PACRG: variants seen among roughly 807,000 people sequenced by gnomAD.
PACRG encodes the protein parkin coregulated.
In PACRG, 29 loss-of-function variants were observed where a neutral mutation model predicts 29.7. That is an observed-to-expected ratio of 0.98 (90% CI 0.73 to 1.33). PACRG has a LOEUF of 1.33. Among genes scored for constraint, PACRG ranks in the 40% most tolerant of loss-of-function variants. The pLI, the probability that PACRG is intolerant of heterozygous loss-of-function variation, is 0.00. For missense variants in PACRG, 279 were observed against 316.2 expected, an observed-to-expected ratio of 0.88 and a Z score of 0.89; for synonymous variants, 116 against 118.7, an observed-to-expected ratio of 0.98 and a Z score of 0.15.
chr6:163,009,160 A>T (rs1805394909), intron 2 of PACRG, among the ~76,000 whole-genome samples: 1 of 152,194 alleles, frequency 6.6e-6, no homozygotes, highest in Non-Finnish European at 1.5e-5. Context: ...ACAACAACAA[A>T]ATCCAGATAA....
At chr6:163,145,435 T>C (rs1205662) in intron 4 of PACRG, among the ~76,000 whole-genome samples, 113,716 of 152,134 alleles carry the variant, frequency 0.75, 43,614 homozygotes, top group African/African-American at 0.94. Flanking sequence ...GGTCATATTC[T>C]GCCTAGGTCC....
At chr6:162,981,305 A>ATATATATATATTTTTTT (rs925663285) in intron 2 of PACRG, among the ~76,000 whole-genome samples, 18 of 149,160 alleles carry the variant, frequency 1.2e-4, no homozygotes, top group African/African-American at 4.5e-4. Context: ...ATATATATAT[A>ATATATATATATTTTTTT]TTTACAATGG....
At chr6:162,896,544 T>C (rs55762763) in intron 2 of PACRG, among the ~76,000 whole-genome samples, 35,718 of 152,082 alleles carry the variant, frequency 0.23, 4,362 homozygotes, top group Middle Eastern at 0.28. Flanking sequence ...ATCTTGGATG[T>C]GTAAGAATTA....
intron 2 of PACRG, among the ~76,000 whole-genome samples, chr6:162,964,408 T>C (rs62429277): frequency 0.15 from 23,398 of 152,176 alleles, 3,150 homozygotes; most frequent in African/African-American, 0.36. Context: ...AAAGGCCTTC[T>C]TTTATCTTCA....
intron 2 of PACRG, among the ~76,000 whole-genome samples, chr6:163,050,698 A>G (rs1229398076): frequency 6.6e-6 from 1 of 152,218 alleles, no homozygotes; most frequent in African/African-American, 2.4e-5. Context: ...TTCTTTGAGC[A>G]TGTTGAACAT....
intron 1 of PACRG, among the ~76,000 whole-genome samples, chr6:162,734,378 G>A (rs1780001200): frequency 6.6e-6 from 1 of 151,938 alleles, no homozygotes; most frequent in African/African-American, 2.4e-5. Context: ...GATTTTGGAA[G>A]GTATAAATTT....
At chr6:163,176,381 G>C (rs1429272364) in intron 4 of PACRG, among the ~76,000 whole-genome samples, 1 of 152,186 alleles carries the variant, frequency 6.6e-6, no homozygotes. Flanking sequence ...TATTAATGGA[G>C]AACAAAGGAA....
intron 3 of PACRG, among the ~76,000 whole-genome samples, chr6:163,072,212 C>T (rs962950301): frequency 6.6e-6 from 1 of 151,814 alleles, no homozygotes; most frequent in African/African-American, 2.4e-5. Flanking sequence ...TACTAGCAAA[C>T]TGAATTCAAC....
rs141195459 is a variant in PACRG at position 163,062,224 on chromosome 6, C to G, written c.366C>G (p.Pro122=). 2 of 1,614,016 alleles carry G rather than the reference C, an allele frequency of 1.2e-6. No homozygotes were observed. The highest frequency in any genetic ancestry group is 2.7e-5 in the African/African-American group (2 of 74,916). ...ATGGGCTTTGTGAAATGACATTTCCCTATGAGTTTTTTGCTCGGCAAGGAA... is the reference window on the plus strand; with the variant it reads ...ATGGGCTTTGTGAAATGACATTTCCGTATGAGTTTTTTGCTCGGCAAGGAA... The part of the protein sequence containing the change: ...FFDGLCEMTF[P]YEFFARQGIH... The change falls in exon 3 of 5, where the codon CCC becomes CCG. Residue 122 remains proline (P), a synonymous_variant. Transcript: ENST00000366888.
chr6:163,183,547 G>C (rs1241299095), intron 4 of PACRG: 1 of 151,906 alleles, frequency 6.6e-6, no homozygotes, highest in Non-Finnish European at 1.5e-5. Flanking sequence ...CAGATTTAGA[G>C]GCCAAGCTGC....
At chr6:163,217,492 A>G (rs1430135966) in intron 4 of PACRG, among the ~76,000 whole-genome samples, 1 of 152,120 alleles carries the variant, frequency 6.6e-6, no homozygotes, top group Non-Finnish European at 1.5e-5. Flanking sequence ...AATAGGCAAC[A>G]ATCTTTCTAC....
At chr6:162,931,652 A>G (rs766407522) in intron 2 of PACRG, among the ~76,000 whole-genome samples, 41 of 152,026 alleles carry the variant, frequency 2.7e-4, no homozygotes, top group Non-Finnish European at 4.6e-4. Flanking sequence ...GCAAATAAAC[A>G]TATGCCAAAT....
chr6:163,287,277 T>C (rs35428180), intron 4 of PACRG, among the ~76,000 whole-genome samples: 30,946 of 152,152 alleles, frequency 0.2, 3,318 homozygotes, highest in African/African-American at 0.24. Context: ...AGCAAGCTCT[T>C]GCCTTTCACT....
chr6:162,757,705 T>A (rs550990340), intron 1 of PACRG, among the ~76,000 whole-genome samples: 11 of 152,080 alleles, frequency 7.2e-5, no homozygotes, highest in African/African-American at 2.7e-4. Context: ...AGACTCTGTC[T>A]AAAAAATAAA....
chr6:163,283,181 G>A (rs1247571089), intron 4 of PACRG, among the ~76,000 whole-genome samples: 2 of 152,206 alleles, frequency 1.3e-5, no homozygotes, highest in African/African-American at 4.8e-5. Context: ...ATAAATGTGG[G>A]TGATGTGAAT....
chr6:162,859,943 T>C (rs1292271828), intron 2 of PACRG, among the ~76,000 whole-genome samples: 2 of 152,106 alleles, frequency 1.3e-5, no homozygotes, highest in Non-Finnish European at 2.9e-5. Context: ...CCTTCTGTTA[T>C]AGTAGTCTCC....
At chr6:163,311,988 C>A (rs6455894) in intron 4 of PACRG, among the ~76,000 whole-genome samples, 35,308 of 152,080 alleles carry the variant, frequency 0.23, 4,619 homozygotes, top group African/African-American at 0.35. Context: ...CCTTCTGACT[C>A]ATATGCCGAC....
At chr6:162,769,773 A>G (rs563268526) in intron 1 of PACRG, among the ~76,000 whole-genome samples, 63 of 151,968 alleles carry the variant, frequency 4.1e-4, no homozygotes, top group Non-Finnish European at 7.5e-4. Context: ...AGCAAAAAAA[A>G]AAAAGAAAAG....
chr6:162,781,214 G>A (rs1292931819), intron 1 of PACRG, among the ~76,000 whole-genome samples: 2 of 152,054 alleles, frequency 1.3e-5, no homozygotes, highest in Non-Finnish European at 2.9e-5. Flanking sequence ...CAGGCTAAAA[G>A]ACTGTGGAAG....
Sources: allele counts gnomAD v4.1 joint callset (sites outside exome capture counted in the v4.1 genomes callset), GRCh38; gene constraint gnomAD v4.1.1; transcripts MANE v1.5; gene names NCBI Gene and HGNC (gene_info 2026-07-23, HGNC 2026-07-21).